SCAMP2: variants seen among roughly 807,000 people sequenced by gnomAD.
SCAMP2 encodes the protein secretory carrier membrane protein 2, also known as secretory carrier-associated membrane protein 2.
A neutral mutation model predicts 44.1 loss-of-function variants in SCAMP2; 25 were observed. That is an observed-to-expected ratio of 0.57 (90% CI 0.41 to 0.79). The LOEUF is 0.79. SCAMP2 is among the 30% of genes least tolerant of loss of function. The pLI is 0.00. For synonymous variants in SCAMP2, 156 were observed against 166.0 expected (o/e 0.94, Z 0.46); for missense variants, 355 against 411.0 (o/e 0.86, Z 1.18).
chr15:74,849,713 C>T (rs986979032), intron 6 of SCAMP2, among the ~76,000 whole-genome samples: 1 of 152,210 alleles, frequency 6.6e-6, no homozygotes, highest in African/African-American at 2.4e-5. Context: ...CATTGCACTC[C>T]AGCCTGGGTG....
intron 1 of SCAMP2, among the ~76,000 whole-genome samples, chr15:74,867,033 G>T (rs1342701238): frequency 6.6e-6 from 1 of 152,170 alleles, no homozygotes; most frequent in Non-Finnish European, 1.5e-5. Context: ...CTGACCTTGT[G>T]ATCCGCCCGC....
chr15:74,849,309 G>C (rs531230059), intron 6 of SCAMP2, among the ~76,000 whole-genome samples: 12 of 152,266 alleles, frequency 7.9e-5, no homozygotes, highest in African/African-American at 2.9e-4. Context: ...TTAGCTGGGC[G>C]TGGTGGTGTG....
intron 1 of SCAMP2, among the ~76,000 whole-genome samples, chr15:74,858,809 T>A (rs1414658578): frequency 7.2e-6 from 1 of 138,082 alleles, no homozygotes; most frequent in Admixed American, 7.1e-5. Flanking sequence ...GCTGGTTCTT[T>A]TTTTTTTTTT....
intron 1 of SCAMP2, among the ~76,000 whole-genome samples, 198 bp from the exon 2 acceptor site, chr15:74,854,847 A>C (rs1167721137): frequency 6.6e-6 from 1 of 152,120 alleles, no homozygotes; most frequent in Non-Finnish European, 1.5e-5. Context: ...CTTCCTGGAA[A>C]AGGTTCAGCC....
chr15:74,848,046 T>TG (rs2064411084), intron 7 of SCAMP2, among the ~76,000 whole-genome samples: 1 of 149,604 alleles, frequency 6.7e-6, no homozygotes, highest in Admixed American at 6.7e-5. Context: ...CCCTGGAAAG[T>TG]GGAGAGCAAG....
chr15:74,871,296 T>A (rs938811922), intron 1 of SCAMP2, among the ~76,000 whole-genome samples: 6 of 148,530 alleles, frequency 4.0e-5, no homozygotes, highest in Non-Finnish European at 9.0e-5. Context: ...TCTACAAAAA[T>A]TTTTTTTAAA....
intron 5 of SCAMP2, among the ~76,000 whole-genome samples, 168 bp downstream of exon 5, chr15:74,851,185 A>G (rs1308210512): frequency 7.2e-6 from 1 of 138,698 alleles, no homozygotes; most frequent in Non-Finnish European, 1.5e-5. Context: ...GTTTCCAGAC[A>G]GGGGGCAGCC....
chr15:74,852,173 G>A lies in SCAMP2; in HGVS notation c.239C>T (p.Ala80Val). 6.5e-7 allele frequency: 1 copy of A among 1,547,664 alleles called. No individual in the cohort carries two copies. The highest frequency in any genetic ancestry group is 8.7e-7 in the Non-Finnish European group (1 of 1,147,722). The change falls in exon 4 of 9, where the codon GCA becomes GTA. Residue 80 changes from alanine (A) to valine (V), a missense_variant. Physicochemically the swap from Ala to Val is moderately conservative, Grantham distance 64. Transcript: ENST00000268099. ...TQPTPQAVVSAAQAGLLRQQE... is the reference protein window; with the variant it reads ...TQPTPQAVVSVAQAGLLRQQE... ...CTGCCGGAGCAGGCCTGCCTGGGCT[G>A]CAGACACCACGGCCTGGAGAGAACA...
intron 8 of SCAMP2, 94 bp downstream of exon 8, chr15:74,845,379 C>A (rs759676763): frequency 6.2e-7 from 1 of 1,602,980 alleles, no homozygotes; most frequent in Non-Finnish European, 8.5e-7. Flanking sequence ...GCCTAGGATG[C>A]CCAACTGCAG....
intron 7 of SCAMP2, among the ~76,000 whole-genome samples, chr15:74,847,558 A>G (rs1354633515): frequency 1.3e-5 from 2 of 152,208 alleles, no homozygotes; most frequent in Admixed American, 6.5e-5. Context: ...GTGGGAGGGC[A>G]GCGTGCACTT....
chr15:74,849,389 A>G (rs1444517876), intron 6 of SCAMP2, among the ~76,000 whole-genome samples: 1 of 152,036 alleles, frequency 6.6e-6, no homozygotes, highest in African/African-American at 2.4e-5. Flanking sequence ...CGGAGGTTGC[A>G]GTGAGCCGAG....
At position 74,846,463 on chromosome 15, in the gene SCAMP2, G is replaced by A. The variant is rs75811175; in HGVS notation, c.735-870C>T. On this transcript the variant is annotated intron_variant, in intron 7 of 8. Coordinates refer to ENST00000268099, the MANE Select transcript of SCAMP2 (RefSeq NM_005697.5). ...CCTGTCTCCAAAAAAAAAAAAAAAA[G>A]AAAAGAAAAAAGAAAAAGGGCTGGG... 5.2e-3 allele frequency among the ~76,000 whole-genome samples: 587 copies of A among 113,044 alleles called. 27 individuals carry two copies. The highest frequency in any genetic ancestry group is 0.015 in the East Asian group (31 of 2,114). 74.2% of individuals were successfully genotyped at this position (113,044 alleles called of 152,430 possible). A position where few individuals can be genotyped will look rare whatever the true frequency, so the allele number is the denominator to read the frequency against.
intron 7 of SCAMP2, among the ~76,000 whole-genome samples, chr15:74,847,086 A>ATTTTTTTTTTTTTTTTTTTT (rs34231883): frequency 9.2e-6 from 1 of 109,280 alleles, no homozygotes; most frequent in Non-Finnish European, 1.8e-5. Context: ...TTGTCAGTTA[A>ATTTTTTTTTTTTTTTTTTTT]TTTTTTTTTT....
At chr15:74,868,412 C>A (rs1009135405) in intron 1 of SCAMP2, among the ~76,000 whole-genome samples, 1 of 152,162 alleles carries the variant, frequency 6.6e-6, no homozygotes, top group Non-Finnish European at 1.5e-5. Flanking sequence ...AAGGATATAA[C>A]GACTGAGCAG....
At chr15:74,862,861 C>CAA (rs34351367) in intron 1 of SCAMP2, among the ~76,000 whole-genome samples, 2 of 105,286 alleles carry the variant, frequency 1.9e-5, no homozygotes, top group Non-Finnish European at 3.7e-5. Flanking sequence ...CATACACACA[C>CAA]ACACACACAC....
intron 7 of SCAMP2, among the ~76,000 whole-genome samples, chr15:74,846,722 G>A (rs2064402064): frequency 6.6e-6 from 1 of 152,094 alleles, no homozygotes; most frequent in South Asian, 2.1e-4. Flanking sequence ...CAGAGATCGC[G>A]GCACTGCACT....
chr15:74,870,410 A>G (rs729263), intron 1 of SCAMP2, among the ~76,000 whole-genome samples: 11,446 of 152,174 alleles, frequency 0.075, 1,196 homozygotes, highest in African/African-American at 0.23. Context: ...TTTATTTCTG[A>G]TTCTGAGAGG....
At chr15:74,872,000 G>A (rs2064579041) in intron 1 of SCAMP2, among the ~76,000 whole-genome samples, 1 of 151,796 alleles carries the variant, frequency 6.6e-6, no homozygotes, top group African/African-American at 2.4e-5. Flanking sequence ...AGCCGAGATC[G>A]CGCTACTGCA....
Position 74,844,515 on chromosome 15 carries a change from T to G in SCAMP2, c.*568A>C, listed in dbSNP as rs1232230554. On this transcript the variant is annotated 3_prime_UTR_variant, in exon 9 of 9. Coordinates refer to ENST00000268099, the MANE Select transcript of SCAMP2 (RefSeq NM_005697.5). ...AGAGCTTAAGGCAACCAGCCTTCTC[T>G]GGATCCGTTTATGAGGCAGAGAAGA... 1 of 152,432 alleles carries G rather than the reference T, an allele frequency of 6.6e-6. No individual in the cohort carries two copies. Among genetic ancestry groups the G allele is most frequent in the Non-Finnish European group, 1.5e-5 (1 of 68,224 alleles). The allele number at this position is 152,432 out of a possible 1,614,324, so 9.4% of individuals were successfully genotyped here. A position where few individuals can be genotyped will look rare whatever the true frequency, so the allele number is the denominator to read the frequency against.
Sources: gnomAD v4.1 joint callset for allele counts (sites outside exome capture counted in the v4.1 genomes callset) on GRCh38, gnomAD v4.1.1 for gene constraint, MANE v1.5 for transcripts, NCBI Gene and HGNC (gene_info 2026-07-23, HGNC 2026-07-21) for gene names.